The following GPBP1 variants were observed in gnomAD, a reference collection of about 807,000 sequenced individuals.
GPBP1 encodes vasculin.
A neutral mutation model predicts 56.5 loss-of-function variants in GPBP1; 13 were observed. That is an observed-to-expected ratio of 0.23 (90% CI 0.15 to 0.37). The LOEUF (loss-of-function observed/expected upper bound fraction) is 0.37, where lower values mean the gene tolerates loss of function less well. GPBP1 is among the 10% of genes least tolerant of loss of function. The probability of loss-of-function intolerance (pLI) is 1.00; values close to 1 mark genes in which losing one functional copy is unlikely to be tolerated. For missense variants in GPBP1, 477 were observed against 572.3 expected, an observed-to-expected ratio of 0.83 and a Z score of 1.70; for synonymous variants, 204 against 188.9, an observed-to-expected ratio of 1.08 and a Z score of -0.66.
rs1753779700 is a variant in GPBP1, at chr5:57,176,077, CTTT to C, written c.-378_-376del. On this transcript the variant is annotated 5_prime_UTR_variant, in exon 2 of 12. Transcript: ENST00000506184. ...GAATGCTCTTCAGATGTGAAATTTT[CTTT>C]TTGTTTTTGCTTTTTGGCTCGTAAA... 1 of 398,246 alleles carries C rather than the reference CTTT, an allele frequency of 2.5e-6. No individual in the cohort carries two copies. Among genetic ancestry groups the C allele is most frequent in the Non-Finnish European group, 4.4e-6 (1 of 225,996 alleles). The allele number at this position is 398,246 out of a possible 1,614,324, so 24.7% of individuals were successfully genotyped here.
At chr5:57,177,583 C>T (rs1215241656) in intron 2 of GPBP1, among the ~76,000 whole-genome samples, 1 of 151,020 alleles carries the variant, frequency 6.6e-6, no homozygotes, top group Non-Finnish European at 1.5e-5. Context: ...AAGCGATTCT[C>T]CTGCTTCAGC....
intron 6 of GPBP1, among the ~76,000 whole-genome samples, chr5:57,239,571 A>G (rs1740723512): frequency 1.3e-5 from 2 of 152,036 alleles, no homozygotes; most frequent in South Asian, 4.2e-4. Flanking sequence ...ATCAGAGGTC[A>G]GGAGTTCAAG....
At chr5:57,237,645 A>T (rs1446596606) in intron 6 of GPBP1, among the ~76,000 whole-genome samples, 2 of 152,178 alleles carry the variant, frequency 1.3e-5, no homozygotes, top group Non-Finnish European at 2.9e-5. Flanking sequence ...GAATACAATG[A>T]AACTCTCATT....
At chr5:57,182,850 A>AT (rs1017976867) in intron 2 of GPBP1, among the ~76,000 whole-genome samples, 2 of 151,756 alleles carry the variant, frequency 1.3e-5, no homozygotes, top group Non-Finnish European at 2.9e-5. Flanking sequence ...TGCTCGGCTA[A>AT]TTTTTTTTAT....
chr5:57,197,801 T>C (rs1754832031), intron 2 of GPBP1, among the ~76,000 whole-genome samples: 1 of 152,178 alleles, frequency 6.6e-6, no homozygotes, highest in Admixed American at 6.5e-5. Flanking sequence ...TTGTTTCCTT[T>C]TTATTCATAG....
At chr5:57,202,145 C>T (rs1259815681) in intron 2 of GPBP1, among the ~76,000 whole-genome samples, 3 of 152,150 alleles carry the variant, frequency 2.0e-5, no homozygotes. Context: ...GGGTGCATGC[C>T]ACTACGCTCG....
intron 3 of GPBP1, among the ~76,000 whole-genome samples, chr5:57,225,862 A>T (rs1047744704): frequency 1.3e-5 from 2 of 152,220 alleles, no homozygotes; most frequent in African/African-American, 4.8e-5. Flanking sequence ...TCCTGATGCC[A>T]TCAATGCAGC....
intron 3 of GPBP1, among the ~76,000 whole-genome samples, chr5:57,220,517 T>G (rs987574495): frequency 6.6e-6 from 1 of 151,596 alleles, no homozygotes; most frequent in African/African-American, 2.4e-5. Context: ...TGGAATGCAG[T>G]GGTGTGATCT....
At chr5:57,206,861 C>G (rs184152607) in intron 2 of GPBP1, among the ~76,000 whole-genome samples, 7 of 152,262 alleles carry the variant, frequency 4.6e-5, no homozygotes, top group Admixed American at 2.6e-4. Flanking sequence ...CAGTTTTGAT[C>G]ACTATGGCCA....
intron 3 of GPBP1, chr5:57,221,349 G>A: frequency 6.6e-7 from 1 of 1,509,402 alleles, no homozygotes; most frequent in Non-Finnish European, 8.9e-7. Context: ...AATGCCAATT[G>A]TGACTGATCT....
At position 57,230,868 on chromosome 5, in the gene GPBP1, A is replaced by G. The variant is rs1393267881; in HGVS notation, c.86A>G (p.His29Arg). ...CAGTCGTCATTGAATTTTGAGAAGC[A>G]TTCTGAAAACTTTGCATGGACAGAG... ...STKSSLNFEK[H>R]SENFAWTENR... is the part of the protein sequence containing the mutation. Residue 29 changes from histidine to arginine, a missense_variant, in exon 4 of 12, where the codon CAT (histidine) becomes CGT (arginine). His to Arg is a conservative substitution (Grantham distance 29). Around this residue, in one of 2 missense-constraint regions of GPBP1, gnomAD observed 414 missense variants for 458.2 expected, o/e 0.90. Transcript: ENST00000506184. 6.2e-7 allele frequency: 1 copy of G among 1,608,390 alleles called. No homozygotes were observed. The highest frequency in any genetic ancestry group is 1.7e-5 in the Admixed American group (1 of 58,920).
intron 3 of GPBP1, among the ~76,000 whole-genome samples, chr5:57,215,732 T>G (rs1755673083): frequency 6.6e-6 from 1 of 152,208 alleles, no homozygotes; most frequent in Non-Finnish European, 1.5e-5. Context: ...ATAAAGTTAG[T>G]TCCTTTGAGA....
At chr5:57,241,127 T>C (rs73757328) in intron 6 of GPBP1, among the ~76,000 whole-genome samples, 3,948 of 152,248 alleles carry the variant, frequency 0.026, 155 homozygotes, top group African/African-American at 0.089. Flanking sequence ...TTCTAGGTAG[T>C]GGGCCAAAGA....
At chr5:57,261,848 A>C (rs1741908275) in intron 11 of GPBP1, among the ~76,000 whole-genome samples, 2 of 152,124 alleles carry the variant, frequency 1.3e-5, no homozygotes, top group South Asian at 4.1e-4. Flanking sequence ...TTTTTGTTAG[A>C]GCATCAGGAA....
Position 57,175,693 on chromosome 5 carries a change from C to A in GPBP1, c.-765C>A. The A allele has an allele frequency of 2.5e-6, 1 of 396,510 alleles. No individual in the cohort carries two copies. The highest frequency in any genetic ancestry group is 4.4e-6 in the Non-Finnish European group (1 of 225,290). 24.6% of individuals were successfully genotyped at this position (396,510 alleles called of 1,614,324 possible). On this transcript the variant is annotated 5_prime_UTR_variant, in exon 2 of 12. Transcript: ENST00000506184. ...TTCAAACGGATTATATAACTGGTTA[C>A]AGTATTTCAGCTGGTGGTAATTTTT...
chr5:57,261,126 A>G, intron 10 of GPBP1, 54 bp from the exon 11 acceptor site: 2 of 1,064,532 alleles, frequency 1.9e-6, no homozygotes, highest in Non-Finnish European at 2.9e-6. Context: ...TGTAAATGAT[A>G]CTGTCCTACT....
chr5:57,188,230 T>G (rs907335289), intron 2 of GPBP1, among the ~76,000 whole-genome samples: 6 of 141,026 alleles, frequency 4.3e-5, no homozygotes, highest in African/African-American at 1.6e-4. Context: ...GGCGACAGAA[T>G]GAGAGACTGT....
At chr5:57,196,499 G>A (rs528446551) in intron 2 of GPBP1, among the ~76,000 whole-genome samples, 2 of 152,328 alleles carry the variant, frequency 1.3e-5, no homozygotes, top group South Asian at 4.1e-4. Flanking sequence ...TGTAGCATCA[G>A]ATGCTATAAA....
chr5:57,210,689 G>A (rs977093562), intron 2 of GPBP1, among the ~76,000 whole-genome samples: 3 of 152,184 alleles, frequency 2.0e-5, no homozygotes, highest in African/African-American at 7.2e-5. Context: ...CACAGACTGG[G>A]TGGCTTAAAC....
Sources: gnomAD v4.1 joint callset for allele counts (sites outside exome capture counted in the v4.1 genomes callset) on GRCh38, gnomAD v4.1.1 for gene constraint, gnomAD v4.1.1 regional missense constraint, MANE v1.5 for transcripts, NCBI Gene and HGNC (gene_info 2026-07-23, HGNC 2026-07-21) for gene names.